The following MSRA variants were observed in gnomAD, a reference collection of about 807,000 sequenced individuals.
MSRA encodes the protein methionine sulfoxide reductase A.
MSRA carries 54 observed loss-of-function variants against 31.3 expected under a neutral mutation model. That is an observed-to-expected ratio of 1.73 (90% CI 1.39 to 2.17). The LOEUF is 2.17. Ranked by LOEUF, MSRA falls within the 30% of genes most tolerant of loss-of-function variation. The pLI, the probability that MSRA is intolerant of heterozygous loss-of-function variation, is 0.00. For synonymous variants in MSRA, 169 were observed against 116.5 expected, an observed-to-expected ratio of 1.45 and a Z score of -2.90; for missense variants, 507 against 300.9, an observed-to-expected ratio of 1.69 and a Z score of -5.07.
intron 4 of MSRA, among the ~76,000 whole-genome samples, chr8:10,307,958 C>T (rs1325947601): frequency 1.3e-5 from 2 of 152,218 alleles, no homozygotes; most frequent in African/African-American, 2.4e-5. Context: ...TGACAGCGTG[C>T]AGCTTCTGGG....
intron 1 of MSRA, among the ~76,000 whole-genome samples, chr8:10,068,645 T>C (rs754690253): frequency 6.6e-6 from 1 of 152,184 alleles, no homozygotes. Context: ...CTGGGCTCCT[T>C]ATTATGATCC....
At chr8:10,214,238 C>G (rs1325759235) in intron 2 of MSRA, among the ~76,000 whole-genome samples, 1 of 152,110 alleles carries the variant, frequency 6.6e-6, no homozygotes, top group Non-Finnish European at 1.5e-5. Flanking sequence ...TGTGAATGGA[C>G]AGGTCCCGGA....
intron 5 of MSRA, among the ~76,000 whole-genome samples, chr8:10,395,086 C>G (rs959862454): frequency 6.6e-6 from 1 of 152,154 alleles, no homozygotes; most frequent in Non-Finnish European, 1.5e-5. Flanking sequence ...TGTGTGTAAG[C>G]GTAGCAGGAA....
In MSRA at chr8:10,314,322, A is replaced by AT. The variant is rs895579215; in HGVS notation, c.437-5552dup. On this transcript the variant is annotated intron_variant, in intron 4 of 5. Transcript: ENST00000317173. ...AAATAGACTTAAATGTATGTGCAGT[A>AT]TTTTTTTTTAGAAAAGACAGACTGC... Among the ~76,000 whole-genome samples, 35 of 151,466 alleles carry AT rather than the reference A, an allele frequency of 2.3e-4. 1 individual carries two copies. The highest frequency in any genetic ancestry group is 6.5e-4 in the African/African-American group (27 of 41,386).
intron 5 of MSRA, among the ~76,000 whole-genome samples, chr8:10,421,429 T>C (rs1808804325): frequency 6.6e-6 from 1 of 152,152 alleles, no homozygotes; most frequent in Non-Finnish European, 1.5e-5. Context: ...TCAATGCCTT[T>C]CTAACCTTGC....
chr8:10,297,848 A>G (rs1159080594), intron 3 of MSRA, among the ~76,000 whole-genome samples: 2 of 152,162 alleles, frequency 1.3e-5, no homozygotes, highest in South Asian at 2.1e-4. Flanking sequence ...TCCTGACCCC[A>G]TATTGCTGTC....
At chr8:10,283,525 T>G (rs1191529052) in intron 3 of MSRA, among the ~76,000 whole-genome samples, 1 of 151,926 alleles carries the variant, frequency 6.6e-6, no homozygotes, top group African/African-American at 2.4e-5. Flanking sequence ...TGTGAGATTT[T>G]GTTGCACCCA....
chr8:10,076,242 A>G (rs190506098), intron 1 of MSRA, among the ~76,000 whole-genome samples: 65 of 152,364 alleles, frequency 4.3e-4, no homozygotes, highest in Non-Finnish European at 7.6e-4. Context: ...TTGCAGTGTG[A>G]TGCGTCCAGT....
chr8:10,132,762 G>C (rs989951830), intron 1 of MSRA, among the ~76,000 whole-genome samples: 3 of 152,320 alleles, frequency 2.0e-5, no homozygotes, highest in Middle Eastern at 3.4e-3. Context: ...GTGTGCCAGG[G>C]ACTGTGATAG....
chr8:10,370,402 G>A (rs1805409873), intron 5 of MSRA, among the ~76,000 whole-genome samples: 1 of 152,226 alleles, frequency 6.6e-6, no homozygotes, highest in African/African-American at 2.4e-5. Context: ...CGGGCGGCCA[G>A]TGAAGAAATA....
intron 3 of MSRA, among the ~76,000 whole-genome samples, chr8:10,274,184 C>T (rs972002551): frequency 6.6e-6 from 1 of 152,216 alleles, no homozygotes. Context: ...ACTGGAACTC[C>T]TGTTACATTC....
intron 1 of MSRA, among the ~76,000 whole-genome samples, chr8:10,127,247 A>G (rs750230863): frequency 1.3e-5 from 2 of 152,052 alleles, no homozygotes; most frequent in Non-Finnish European, 2.9e-5. Context: ...AGCATGTGGG[A>G]GTTATTTGTA....
chr8:10,416,793 C>T (rs1177301508), intron 5 of MSRA, among the ~76,000 whole-genome samples: 1 of 152,226 alleles, frequency 6.6e-6, no homozygotes, highest in Non-Finnish European at 1.5e-5. Context: ...TGCAGGCTGT[C>T]TGAGGAGCAA....
chr8:10,231,207 G>C (rs1811446642), intron 2 of MSRA, among the ~76,000 whole-genome samples: 1 of 151,842 alleles, frequency 6.6e-6, no homozygotes, highest in Admixed American at 6.6e-5. Flanking sequence ...GAGGAGGGCT[G>C]CAGTGAGGGA....
intron 1 of MSRA, among the ~76,000 whole-genome samples, chr8:10,094,920 T>C (rs573125448): frequency 6.6e-6 from 1 of 152,310 alleles, no homozygotes; most frequent in South Asian, 2.1e-4. Context: ...TTATTGTTAT[T>C]TGTTTTATCA....
chr8:10,387,618 G>A (rs1031510017), intron 5 of MSRA, among the ~76,000 whole-genome samples: 2 of 152,106 alleles, frequency 1.3e-5, no homozygotes, highest in Non-Finnish European at 2.9e-5. Context: ...GAAGGTGAGG[G>A]GTGCAAGTTC....
intron 1 of MSRA, among the ~76,000 whole-genome samples, chr8:10,201,324 C>G (rs1427973285): frequency 1.3e-5 from 2 of 152,124 alleles, no homozygotes; most frequent in African/African-American, 4.8e-5. Context: ...GATTGTACTT[C>G]TTGATGACCG....
chr8:10,216,465 G>T (rs904304263), intron 2 of MSRA, among the ~76,000 whole-genome samples: 2 of 152,092 alleles, frequency 1.3e-5, no homozygotes, highest in African/African-American at 4.8e-5. Flanking sequence ...TAAGCGTATG[G>T]TCCAGTGGTG....
intron 1 of MSRA, chr8:10,095,507 A>G: frequency 1.0e-6 from 1 of 985,410 alleles, no homozygotes; most frequent in Non-Finnish European, 1.2e-6. Context: ...CACAGCCTGG[A>G]CCTCCGCCAA....
Sources: allele counts gnomAD v4.1 joint callset (sites outside exome capture counted in the v4.1 genomes callset), GRCh38; gene constraint gnomAD v4.1.1; transcripts MANE v1.5; gene names NCBI Gene and HGNC (gene_info 2026-07-23, HGNC 2026-07-21).